The following ITM2B variants were observed in gnomAD, a reference collection of about 807,000 sequenced individuals.
ITM2B encodes integral membrane protein 2B.
In ITM2B, 11 loss-of-function variants were observed where a neutral mutation model predicts 27.8. The ratio of observed to expected loss-of-function variants is 0.40; its 90% CI spans 0.25 to 0.66. ITM2B has a LOEUF of 0.66. Among genes scored for constraint, ITM2B ranks in the 30% least tolerant of loss-of-function variants. The pLI, the probability that ITM2B is intolerant of heterozygous loss-of-function variation, is 0.43. For synonymous variants in ITM2B, 114 were observed against 114.3 expected (o/e 1.00, Z 0.02); for missense variants, 296 against 328.9 (o/e 0.90, Z 0.77).
chr13:48,247,633 CCT>C (rs1294371953), intron 1 of ITM2B, among the ~76,000 whole-genome samples: 5 of 152,128 alleles, frequency 3.3e-5, no homozygotes, highest in Admixed American at 3.3e-4. Flanking sequence ...TTTACTAAAG[CCT>C]CTTAGGGAAC....
At chr13:48,235,679 G>C (rs1395148302) in intron 1 of ITM2B, among the ~76,000 whole-genome samples, 1 of 152,198 alleles carries the variant, frequency 6.6e-6, no homozygotes, top group African/African-American at 2.4e-5. Flanking sequence ...CTCTGTGGCA[G>C]CCACCTTGTC....
intron 2 of ITM2B, among the ~76,000 whole-genome samples, chr13:48,254,347 C>G (rs1951773202): frequency 6.6e-6 from 1 of 152,052 alleles, no homozygotes; most frequent in African/African-American, 2.4e-5. Flanking sequence ...CCTGCTGTAC[C>G]CTTGGGCCCA....
intron 1 of ITM2B, among the ~76,000 whole-genome samples, chr13:48,253,065 A>G (rs1951763691): frequency 6.6e-6 from 1 of 152,114 alleles, no homozygotes; most frequent in South Asian, 2.1e-4. Flanking sequence ...ATTCTGTGCT[A>G]GTTTTGTTTC....
chr13:48,237,500 A>G (rs868160264), intron 1 of ITM2B, among the ~76,000 whole-genome samples: 7 of 152,340 alleles, frequency 4.6e-5, no homozygotes, highest in Non-Finnish European at 8.8e-5. Flanking sequence ...GACAGAAATG[A>G]GTATAATATA....
In ITM2B at chr13:48,270,051, C is replaced by G. The variant is rs1425523245; in HGVS notation, c.*8827C>G. On this transcript the variant is annotated 3_prime_UTR_variant, in exon 6 of 6. Coordinates refer to ENST00000647800, the MANE Select transcript of ITM2B (RefSeq NM_021999.5). ...TAGCCCATGTGGAATGAGATGTCCA[C>G]TAGGGCAGAGAAGCACAGAACCGTG... is the stretch of plus-strand genomic sequence containing the variant. The G allele has an allele frequency of 6.6e-6, 1 of 152,202 alleles. No individual in the cohort carries two copies. Among genetic ancestry groups the G allele is most frequent in the Non-Finnish European group, 1.5e-5 (1 of 68,044 alleles). 9.4% of individuals were successfully genotyped at this position (152,202 alleles called of 1,614,324 possible). A position where few individuals can be genotyped will look rare whatever the true frequency, so the allele number is the denominator to read the frequency against.
intron 1 of ITM2B, among the ~76,000 whole-genome samples, chr13:48,249,874 TTTC>T (rs1458243007): frequency 4.6e-5 from 7 of 152,226 alleles, no homozygotes; most frequent in Non-Finnish European, 1.0e-4. Context: ...TCATGGGGTT[TTTC>T]TTCTTAAATC....
At position 48,252,881 on chromosome 13, in the gene ITM2B, C is replaced by T. The variant is rs115678372; in HGVS notation, c.118-927C>T. ...ATCTTTGTTTTCTTAGCTCTTTGCA[C>T]ATGAACTTGGGTACAAATCAGAAAT... On this transcript the variant is annotated intron_variant, in intron 1 of 5. Transcript: ENST00000647800. 6.6e-3 allele frequency among the ~76,000 whole-genome samples: 1,010 copies of T among 152,220 alleles called. 15 individuals carry two copies. The highest frequency in any genetic ancestry group is 0.023 in the African/African-American group (961 of 41,524).
chr13:48,249,561 C>T (rs1435486338), intron 1 of ITM2B, among the ~76,000 whole-genome samples: 1 of 152,138 alleles, frequency 6.6e-6, no homozygotes, highest in Non-Finnish European at 1.5e-5. Flanking sequence ...AGATTATTTA[C>T]AAATAATAAC....
rs535543297 is a variant in ITM2B, at chr13:48,261,391, T to C, written c.*167T>C. The C allele has an allele frequency of 1.1e-3, 643 of 572,722 alleles. 3 individuals are homozygous for C. The highest frequency in any genetic ancestry group is 1.7e-3 in the Non-Finnish European group (554 of 324,550). The allele number at this position is 572,722 out of a possible 1,614,324, so 35.5% of individuals were successfully genotyped here. A position where few individuals can be genotyped will look rare whatever the true frequency, so the allele number is the denominator to read the frequency against. ...CAATTAAAACCATTACCTTAAAATT[T>C]TTTTCTTTCGAAGTGTGGTGTCTTT... On this transcript the variant is annotated 3_prime_UTR_variant, in exon 6 of 6. Coordinates refer to ENST00000647800, the MANE Select transcript of ITM2B (RefSeq NM_021999.5).
At chr13:48,260,581 G>A (rs951897411) in intron 5 of ITM2B, among the ~76,000 whole-genome samples, 1 of 150,512 alleles carries the variant, frequency 6.6e-6, no homozygotes, top group African/African-American at 2.4e-5. Flanking sequence ...TGAGTTCCCA[G>A]TGTTTAGCTC....
At position 48,267,023 on chromosome 13, in the gene ITM2B, A is replaced by G. The variant is rs986329780; in HGVS notation, c.*5799A>G. The stretch of plus-strand genomic sequence containing the variant: ...AATGTAGGGGGGATTTTTGATTGTC[A>G]CAGGACTAGAGGATGCCATTTGTAT... On this transcript the variant is annotated 3_prime_UTR_variant, in exon 6 of 6. Coordinates refer to ENST00000647800, the MANE Select transcript of ITM2B (RefSeq NM_021999.5). 5.3e-5 allele frequency: 8 copies of G among 152,190 alleles called. No homozygotes were observed. Among genetic ancestry groups the G allele is most frequent in the Admixed American group, 5.2e-4 (8 of 15,268 alleles). 9.4% of individuals were successfully genotyped at this position (152,190 alleles called of 1,614,324 possible).
At chr13:48,240,635 C>T (rs1951694501) in intron 1 of ITM2B, among the ~76,000 whole-genome samples, 1 of 152,160 alleles carries the variant, frequency 6.6e-6, no homozygotes, top group Non-Finnish European at 1.5e-5. Flanking sequence ...GATTCAGTAG[C>T]TGTACCGATT....
In ITM2B at chr13:48,262,259, T is replaced by C. The variant is rs1951827146; in HGVS notation, c.*1035T>C. 6.6e-6 allele frequency: 1 copy of C among 152,132 alleles called. No homozygotes were observed. Among genetic ancestry groups the C allele is most frequent in the Non-Finnish European group, 1.5e-5 (1 of 68,016 alleles). The allele number at this position is 152,132 out of a possible 1,614,324, so 9.4% of individuals were successfully genotyped here. ...ATGATTTTTATGTTTCTAAGGTTGCTTCCTCTCTGAAATAATTCAGAATCC... is the reference window on the plus strand; with the variant it reads ...ATGATTTTTATGTTTCTAAGGTTGCCTCCTCTCTGAAATAATTCAGAATCC... On this transcript the variant is annotated 3_prime_UTR_variant, in exon 6 of 6. Transcript: ENST00000647800.
At chr13:48,235,166 C>T (rs374149836) in intron 1 of ITM2B, among the ~76,000 whole-genome samples, 6 of 152,300 alleles carry the variant, frequency 3.9e-5, no homozygotes, top group African/African-American at 1.4e-4. Flanking sequence ...TCTGGACAAA[C>T]ATCAGAATTA....
At chr13:48,256,991 A>G (rs575453598) in intron 3 of ITM2B, among the ~76,000 whole-genome samples, 1 of 152,342 alleles carries the variant, frequency 6.6e-6, no homozygotes, top group South Asian at 2.1e-4. Context: ...CGTGGGGGAT[A>G]CATGCCAAGA....
intron 1 of ITM2B, among the ~76,000 whole-genome samples, chr13:48,246,596 G>A (rs1951725798): frequency 6.6e-6 from 1 of 152,184 alleles, no homozygotes; most frequent in South Asian, 2.1e-4. Context: ...GAAACCTAAT[G>A]TAGAAACCAA....
Position 48,257,396 on chromosome 13 carries a change from A to G in ITM2B, c.454-730A>G, listed in dbSNP as rs368262834. Among the ~76,000 whole-genome samples the G allele has an allele frequency of 1.2e-4, 19 of 152,306 alleles. No homozygotes were observed. The East Asian group carries it at 1.7e-3, about 14-fold the overall frequency. On this transcript the variant is annotated intron_variant, in intron 3 of 5. Transcript: ENST00000647800. ...TCAGGATTCAGAGATTCAGAAGTTC[A>G]TGTATCACCTGTGATTTTTATGTCT...
chr13:48,247,502 T>C (rs1354892453), intron 1 of ITM2B, among the ~76,000 whole-genome samples: 1 of 152,152 alleles, frequency 6.6e-6, no homozygotes, highest in African/African-American at 2.4e-5. Flanking sequence ...GCTTCAGTCA[T>C]CCTGTAAAAA....
At chr13:48,259,873 A>G (rs1367161629) in intron 5 of ITM2B, among the ~76,000 whole-genome samples, 1 of 151,810 alleles carries the variant, frequency 6.6e-6, no homozygotes, top group African/African-American at 2.4e-5. Flanking sequence ...ATTATACTTT[A>G]AGTTCTGAGT....
Sources: gnomAD v4.1 joint callset for allele counts (sites outside exome capture counted in the v4.1 genomes callset) on GRCh38, gnomAD v4.1.1 for gene constraint, MANE v1.5 for transcripts, NCBI Gene and HGNC (gene_info 2026-07-23, HGNC 2026-07-21) for gene names.